Variants in CHST9 observed in about 807,000 individuals in gnomAD.
CHST9 encodes carbohydrate sulfotransferase 9, also known as GalNAc-4-sulfotransferase 2.
A neutral mutation model predicts 44.4 loss-of-function variants in CHST9; 41 were observed. The ratio of observed to expected loss-of-function variants is 0.92; its 90% CI spans 0.72 to 1.20. The LOEUF (loss-of-function observed/expected upper bound fraction) is 1.20. Among genes scored for constraint, CHST9 ranks in the 50% most tolerant of loss-of-function variants. The pLI is 0.00. For missense variants in CHST9, 504 were observed against 516.5 expected (o/e 0.98, Z 0.23); for synonymous variants, 171 against 178.4 (o/e 0.96, Z 0.33).
At chr18:27,051,010 T>G (rs2057560159) in intron 2 of CHST9, among the ~76,000 whole-genome samples, 1 of 152,228 alleles carries the variant, frequency 6.6e-6, no homozygotes, top group Admixed American at 6.5e-5. Context: ...CCATCTTCTC[T>G]TCTTTTGATA....
chr18:26,980,272 T>G (rs1439489946), intron 4 of CHST9, among the ~76,000 whole-genome samples: 1 of 152,164 alleles, frequency 6.6e-6, no homozygotes, highest in Admixed American at 6.6e-5. Context: ...AAGAGGCAAA[T>G]GTAATAAATT....
intron 4 of CHST9, among the ~76,000 whole-genome samples, chr18:26,979,695 T>C (rs570168361): frequency 2.0e-4 from 31 of 152,284 alleles, no homozygotes; most frequent in African/African-American, 7.5e-4. Context: ...CGTCTATTTG[T>C]CTTTTTGTAC....
Position 26,911,550 on chromosome 18 carries a change from T to A in CHST9, c.*4709A>T, listed in dbSNP as rs535580313. 88 of 152,274 alleles carry A rather than the reference T, an allele frequency of 5.8e-4. No homozygotes were observed. Among genetic ancestry groups the A allele is most frequent in the African/African-American group, 2.1e-3 (86 of 41,548 alleles). 9.4% of individuals were successfully genotyped at this position (152,274 alleles called of 1,614,324 possible). A position where few individuals can be genotyped will look rare whatever the true frequency, so the allele number is the denominator to read the frequency against. ...AATTGAATAATCTCAAGAGATTCCTTGGTGAGTTAACAAGAAATGAATGTC... is the reference window on the plus strand; with the variant it reads ...AATTGAATAATCTCAAGAGATTCCTAGGTGAGTTAACAAGAAATGAATGTC... On this transcript the variant is annotated 3_prime_UTR_variant, in exon 6 of 6. Coordinates refer to ENST00000618847, the MANE Select transcript of CHST9 (RefSeq NM_031422.6).
At chr18:26,969,068 G>A (rs1412959013) in intron 4 of CHST9, among the ~76,000 whole-genome samples, 7 of 150,614 alleles carry the variant, frequency 4.6e-5, no homozygotes, top group Non-Finnish European at 8.8e-5. Flanking sequence ...GTGCGATCTC[G>A]GCTCACTGCA....
Position 26,987,901 on chromosome 18 carries a change from C to T in CHST9, c.202+36215G>A, listed in dbSNP as rs529139907. Among the ~76,000 whole-genome samples the T allele has an allele frequency of 4.6e-5, 7 of 152,248 alleles. No individual in the cohort carries two copies. In the South Asian group the frequency reaches 1.5e-3, roughly 32 times the overall value. ...GAATCTGACCATGCTCAACCTGATA[C>T]TGGATTTCCCAGCCTCTAGAACTGT... On this transcript the variant is annotated intron_variant, in intron 4 of 5. Coordinates refer to ENST00000618847, the MANE Select transcript of CHST9 (RefSeq NM_031422.6).
At position 27,154,346 on chromosome 18, in the gene CHST9, A is replaced by C. The variant is rs9955397; in HGVS notation, c.-96-11441T>G. Among the ~76,000 whole-genome samples the C allele has an allele frequency of 2.4e-3, 372 of 152,222 alleles. 1 individual carries two copies. The highest frequency in any genetic ancestry group is 8.6e-3 in the African/African-American group (359 of 41,542). Reference sequence around the variant, plus strand: ...AAATATCATTTAAGCACATGGTCAAATTCAGAGTTCAGGGAGAGATGAGGT... The same window carrying C: ...AAATATCATTTAAGCACATGGTCAACTTCAGAGTTCAGGGAGAGATGAGGT... On this transcript the variant is annotated intron_variant, in intron 1 of 5. Transcript: ENST00000618847.
At chr18:27,096,083 T>C (rs6508470) in intron 2 of CHST9, among the ~76,000 whole-genome samples, 51,793 of 151,902 alleles carry the variant, frequency 0.34, 9,225 homozygotes, top group East Asian at 0.5. Context: ...ATACCAGTCA[T>C]ACTCTTGGAC....
chr18:27,170,437 G>C (rs2058825724), intron 1 of CHST9, among the ~76,000 whole-genome samples: 1 of 152,124 alleles, frequency 6.6e-6, no homozygotes, highest in Non-Finnish European at 1.5e-5. Context: ...TTAAATGCCT[G>C]AGATATTTGG....
intron 2 of CHST9, among the ~76,000 whole-genome samples, chr18:27,119,409 G>T (rs1171396503): frequency 6.6e-6 from 1 of 151,998 alleles, no homozygotes; most frequent in Admixed American, 6.6e-5. Context: ...CCCAGTTTGT[G>T]GATTACTAGC....
chr18:27,031,233 C>T (rs1004599402), intron 3 of CHST9, among the ~76,000 whole-genome samples: 3 of 152,228 alleles, frequency 2.0e-5, no homozygotes, highest in African/African-American at 4.8e-5. Context: ...ATTCTAGCTT[C>T]CACATCAGTG....
intron 2 of CHST9, among the ~76,000 whole-genome samples, chr18:27,104,803 G>A (rs1046520342): frequency 4.6e-5 from 7 of 151,988 alleles, no homozygotes; most frequent in Non-Finnish European, 1.0e-4. Context: ...TTAGAATATG[G>A]CATCTTTTCT....
chr18:27,062,567 A>G (rs1159919459), intron 2 of CHST9, among the ~76,000 whole-genome samples: 2 of 152,124 alleles, frequency 1.3e-5, no homozygotes, highest in African/African-American at 4.8e-5. Context: ...TCATTGTTGG[A>G]CATTTGGGTT....
At chr18:27,183,098 C>G (rs2058926324) in intron 1 of CHST9, among the ~76,000 whole-genome samples, 1 of 150,314 alleles carries the variant, frequency 6.7e-6, no homozygotes, top group African/African-American at 2.5e-5. Flanking sequence ...TTTCTAGCTT[C>G]TCTCTGTTAA....
chr18:26,989,198 A>G (rs1367577886), intron 4 of CHST9, among the ~76,000 whole-genome samples: 1 of 152,208 alleles, frequency 6.6e-6, no homozygotes, highest in Non-Finnish European at 1.5e-5. Context: ...TCACTGATAA[A>G]AGAATTATAT....
At chr18:27,174,480 G>C (rs989225087) in intron 1 of CHST9, among the ~76,000 whole-genome samples, 2 of 151,906 alleles carry the variant, frequency 1.3e-5, no homozygotes, top group African/African-American at 4.8e-5. Context: ...TGTCAAGTCT[G>C]ATCATTTGAT....
At chr18:27,161,635 T>G (rs1309673535) in intron 1 of CHST9, among the ~76,000 whole-genome samples, 1 of 152,142 alleles carries the variant, frequency 6.6e-6, no homozygotes, top group East Asian at 1.9e-4. Flanking sequence ...GCCCACTTGG[T>G]GCAGAGCTGA....
chr18:27,105,399 G>C (rs2058212372), intron 2 of CHST9, among the ~76,000 whole-genome samples: 1 of 152,078 alleles, frequency 6.6e-6, no homozygotes, highest in Non-Finnish European at 1.5e-5. Context: ...CCAATCTGAG[G>C]ACTCATTGTG....
Position 26,914,979 on chromosome 18 carries a change from T to C in CHST9, c.*1280A>G, listed in dbSNP as rs2055493200. On this transcript the variant is annotated 3_prime_UTR_variant, in exon 6 of 6. Coordinates refer to ENST00000618847, the MANE Select transcript of CHST9 (RefSeq NM_031422.6). Reference sequence around the variant, plus strand: ...TTTCCCATCCAAAATGATCCCTTTTTTTTTCCCCAAGGGATCTAATTTAGG... The same window carrying C: ...TTTCCCATCCAAAATGATCCCTTTTCTTTTCCCCAAGGGATCTAATTTAGG... 1 of 398,048 alleles carries C rather than the reference T, an allele frequency of 2.5e-6. No homozygotes were observed. Among genetic ancestry groups the C allele is most frequent in the Non-Finnish European group, 4.4e-6 (1 of 225,668 alleles). 24.7% of individuals were successfully genotyped at this position (398,048 alleles called of 1,614,324 possible).
chr18:27,029,383 G>A (rs966121589), intron 3 of CHST9, among the ~76,000 whole-genome samples: 4 of 152,070 alleles, frequency 2.6e-5, no homozygotes, highest in Admixed American at 6.5e-5. Context: ...AAAGGGCATC[G>A]CGTCTCTCCA....
Sources: gnomAD v4.1 joint callset for allele counts (sites outside exome capture counted in the v4.1 genomes callset) on GRCh38, gnomAD v4.1.1 for gene constraint, MANE v1.5 for transcripts, NCBI Gene and HGNC (gene_info 2026-07-23, HGNC 2026-07-21) for gene names.